NSG1: variants seen among roughly 807,000 people sequenced by gnomAD.
NSG1 encodes neuronal vesicle trafficking-associated protein 1.
A neutral mutation model predicts 19.3 loss-of-function variants in NSG1; 9 were observed. The observed-to-expected ratio is 0.47, with a 90% CI of 0.28 to 0.81. NSG1 has a LOEUF of 0.81. Among genes scored for constraint, NSG1 ranks in the 40% least tolerant of loss-of-function variants. NSG1 has a pLI of 0.11. For synonymous variants in NSG1, 104 were observed against 107.0 expected (o/e 0.97, Z 0.17); for missense variants, 236 against 242.4 (o/e 0.97, Z 0.18).
chr4:4,392,342 G>A (rs1169565990), intron 3 of NSG1, among the ~76,000 whole-genome samples: 2 of 152,148 alleles, frequency 1.3e-5, no homozygotes, highest in Admixed American at 1.3e-4. Context: ...AGAGTAAAGC[G>A]GTAGCCTCAT....
intron 2 of NSG1, among the ~76,000 whole-genome samples, chr4:4,389,681 T>C (rs993805772): frequency 6.6e-6 from 1 of 152,114 alleles, no homozygotes; most frequent in Non-Finnish European, 1.5e-5. Flanking sequence ...CGATGTCACC[T>C]GTTTCAGGTG....
intron 2 of NSG1, among the ~76,000 whole-genome samples, chr4:4,388,007 T>G (rs1722824163): frequency 6.6e-6 from 1 of 152,146 alleles, no homozygotes; most frequent in Non-Finnish European, 1.5e-5. Context: ...GGGGCAAGAT[T>G]CCTTCGCGTT....
intron 3 of NSG1, among the ~76,000 whole-genome samples, chr4:4,407,098 G>A (rs374626735): frequency 1.3e-5 from 2 of 152,250 alleles, no homozygotes; most frequent in African/African-American, 4.8e-5. Flanking sequence ...CATCCTGTCT[G>A]TGTCCCTTGT....
chr4:4,387,544 T>TGCC, intron 1 of NSG1, 60 bp from the exon 2 acceptor site: 23 of 520,908 alleles, frequency 4.4e-5, no homozygotes, highest in Middle Eastern at 5.8e-4. Flanking sequence ...GGTGCCCACT[T>TGCC]CCCCCCCGCC....
At chr4:4,393,123 C>G (rs1329374708) in intron 3 of NSG1, among the ~76,000 whole-genome samples, 1 of 152,168 alleles carries the variant, frequency 6.6e-6, no homozygotes, top group Non-Finnish European at 1.5e-5. Flanking sequence ...ATGGTGTCCT[C>G]TGTCCTGATG....
chr4:4,409,659 C>A lies in NSG1; in HGVS notation c.333C>A (p.Ala111=), dbSNP rs1355043389. ...VVYKVYKYDR[A]CPDGFVLKNT... The stretch of plus-strand genomic sequence containing the variant: ...ACAAGGTGTACAAGTATGACCGCGC[C>A]TGCCCCGATGGGTTCGTCCTCAAGG... Residue 111 remains alanine (A), a synonymous_variant, in exon 4 of 5, where the codon GCC becomes GCA. Transcript: ENST00000621129. 3.1e-6 allele frequency: 5 copies of A among 1,614,048 alleles called. No homozygotes were observed. In the South Asian group the frequency reaches 4.4e-5, roughly 14 times the overall value.
intron 3 of NSG1, among the ~76,000 whole-genome samples, chr4:4,406,202 TA>T (rs1332088057): frequency 3.0e-4 from 45 of 152,252 alleles, no homozygotes; most frequent in African/African-American, 1.0e-3. Context: ...TAATTTTTTA[TA>T]TTTTTAGTAG....
At chr4:4,397,988 G>A (rs1290693827) in intron 3 of NSG1, among the ~76,000 whole-genome samples, 2 of 151,832 alleles carry the variant, frequency 1.3e-5, no homozygotes, top group Non-Finnish European at 2.9e-5. Context: ...GAGTCTTGCT[G>A]TGTCACCCAG....
chr4:4,409,249 T>C (rs577477972), intron 3 of NSG1, among the ~76,000 whole-genome samples: 1 of 152,370 alleles, frequency 6.6e-6, no homozygotes, highest in South Asian at 2.1e-4. Flanking sequence ...CACACATGTG[T>C]CTTAGTGGCC....
At chr4:4,407,454 G>C (rs1413203610) in intron 3 of NSG1, among the ~76,000 whole-genome samples, 2 of 152,150 alleles carry the variant, frequency 1.3e-5, no homozygotes, top group Non-Finnish European at 2.9e-5. Context: ...GCCTGGGCTG[G>C]GGTCTCAGGG....
intron 3 of NSG1, 98 bp downstream of exon 3, chr4:4,391,689 C>T (rs1038359156): frequency 2.6e-5 from 19 of 731,928 alleles, no homozygotes; most frequent in East Asian, 1.0e-4. Flanking sequence ...GGTTTGACGC[C>T]GTTTGTCTGG....
chr4:4,407,914 G>C (rs1262134923), intron 3 of NSG1, among the ~76,000 whole-genome samples: 3 of 152,114 alleles, frequency 2.0e-5, no homozygotes, highest in African/African-American at 7.2e-5. Flanking sequence ...TGCAGGGGGT[G>C]CATAGGGGCC....
intron 3 of NSG1, among the ~76,000 whole-genome samples, chr4:4,391,804 A>G (rs1723009101): frequency 6.6e-6 from 1 of 152,202 alleles, no homozygotes; most frequent in Non-Finnish European, 1.5e-5. Flanking sequence ...CAAAATGATC[A>G]CATATTACTT....
intron 4 of NSG1, among the ~76,000 whole-genome samples, chr4:4,415,532 C>T (rs552696174): frequency 4.3e-4 from 65 of 151,876 alleles, no homozygotes; most frequent in African/African-American, 1.5e-3. Context: ...ATTCTGCTTC[C>T]GTTGGGAAGC....
intron 3 of NSG1, among the ~76,000 whole-genome samples, chr4:4,395,486 C>A (rs77561550): frequency 9.2e-5 from 14 of 152,278 alleles, no homozygotes; most frequent in African/African-American, 3.1e-4. Context: ...CATCCCTGAA[C>A]GCGTGCACAC....
At chr4:4,397,451 C>T (rs1723312523) in intron 3 of NSG1, among the ~76,000 whole-genome samples, 2 of 152,228 alleles carry the variant, frequency 1.3e-5, no homozygotes, top group Admixed American at 1.3e-4. Flanking sequence ...CCACTGTGCT[C>T]CGTCCTCCAT....
chr4:4,388,166 G>T (rs935653574), intron 2 of NSG1, among the ~76,000 whole-genome samples: 2 of 151,400 alleles, frequency 1.3e-5, no homozygotes, highest in Non-Finnish European at 3.0e-5. Flanking sequence ...AGTTCAGCCC[G>T]ACTTGCCCCA....
intron 3 of NSG1, among the ~76,000 whole-genome samples, chr4:4,394,077 G>A (rs562211421): frequency 9.2e-5 from 14 of 152,252 alleles, no homozygotes; most frequent in Admixed American, 3.3e-4. Flanking sequence ...GGAGGTAGGC[G>A]CCCTTATAGC....
chr4:4,387,561 C>CGGGGGGGGGGGG, intron 1 of NSG1, 43 bp from the exon 2 acceptor site: 35 of 1,141,958 alleles, frequency 3.1e-5, no homozygotes, highest in Middle Eastern at 2.5e-4. Context: ...CGCCCCGCCC[C>CGGGGGGGGGGGG]GGGTCTTGCT....
Sources: gnomAD v4.1 joint callset for allele counts (sites outside exome capture counted in the v4.1 genomes callset) on GRCh38, gnomAD v4.1.1 for gene constraint, MANE v1.5 for transcripts, NCBI Gene and HGNC (gene_info 2026-07-23, HGNC 2026-07-21) for gene names.